The following MUSK variants were observed in gnomAD, a reference collection of about 807,000 sequenced individuals.
The protein encoded by MUSK is muscle, skeletal receptor tyrosine-protein kinase.
In MUSK, 55 loss-of-function variants were observed where a neutral mutation model predicts 88.7. The observed-to-expected ratio is 0.62, with a 90% CI of 0.50 to 0.78. The LOEUF is 0.78. Among genes scored for constraint, MUSK ranks in the 30% least tolerant of loss-of-function variants. MUSK has a pLI of 0.00. For missense variants in MUSK, 1,015 were observed against 1,074.3 expected (o/e 0.94, Z 0.77); for synonymous variants, 387 against 391.9 (o/e 0.99, Z 0.15).
chr9:110,782,945 G>A (rs1054758049), intron 11 of MUSK, among the ~76,000 whole-genome samples: 8 of 152,128 alleles, frequency 5.3e-5, no homozygotes, highest in Non-Finnish European at 8.8e-5. Flanking sequence ...CCTGGCATCC[G>A]CAGGCTTCAG....
At chr9:110,718,515 A>C (rs2076772823) in intron 5 of MUSK, among the ~76,000 whole-genome samples, 1 of 152,076 alleles carries the variant, frequency 6.6e-6, no homozygotes, top group South Asian at 2.1e-4. Context: ...TGAACTAACC[A>C]AATCCATCAA....
At chr9:110,721,357 A>G (rs2076809282) in intron 5 of MUSK, among the ~76,000 whole-genome samples, 1 of 152,146 alleles carries the variant, frequency 6.6e-6, no homozygotes, top group African/African-American at 2.4e-5. Flanking sequence ...ACTCATCCAA[A>G]AAACTCTTAG....
chr9:110,732,196 G>A (rs528154183), intron 5 of MUSK, among the ~76,000 whole-genome samples: 3 of 152,098 alleles, frequency 2.0e-5, no homozygotes, highest in Admixed American at 1.3e-4. Flanking sequence ...GATCCTGCTT[G>A]TTTCAGATTC....
chr9:110,775,747 G>A (rs1214686953), intron 9 of MUSK, 41 bp from the exon 10 acceptor site: 1 of 1,586,050 alleles, frequency 6.3e-7, no homozygotes, highest in Admixed American at 1.7e-5. Flanking sequence ...GCTTTAACAT[G>A]TAATGATTCA....
chr9:110,731,947 C>CTTTCTGATTACTATA (rs1554745969), intron 5 of MUSK, among the ~76,000 whole-genome samples: 2 of 151,336 alleles, frequency 1.3e-5, no homozygotes, highest in African/African-American at 2.4e-5. Context: ...AAAATAAAAC[C>CTTTCTGATTACTATA]TTTCCAAGAA....
rs187347916 is a variant in MUSK at position 110,695,512 on chromosome 9, G to A, written c.468G>A (p.Lys156=). The part of the protein sequence containing the change: ...GNPKPSVSWI[K]GDSPLRENSR... ...CCAAACCATCAGTGTCTTGGATAAAGGGAGACAGCCCTCTCAGGGTAAGTG... is the reference window on the plus strand; with the variant it reads ...CCAAACCATCAGTGTCTTGGATAAAAGGAGACAGCCCTCTCAGGGTAAGTG... The change falls in exon 4 of 15, where the codon AAG becomes AAA. Residue 156 remains lysine (K), a synonymous_variant. Coordinates refer to ENST00000374448, the MANE Select transcript of MUSK (RefSeq NM_005592.4). 6.4e-7 allele frequency: 1 copy of A among 1,564,912 alleles called. No individual in the cohort carries two copies. Among genetic ancestry groups the A allele is most frequent in the Non-Finnish European group, 8.7e-7 (1 of 1,152,608 alleles).
intron 7 of MUSK, 100 bp downstream of exon 7, chr9:110,747,900 T>A: frequency 6.9e-7 from 1 of 1,449,064 alleles, no homozygotes; most frequent in East Asian, 2.3e-5. Context: ...TTCTTTTATC[T>A]CTTATTTCAG....
At chr9:110,683,886 T>C (rs866518342) in intron 2 of MUSK, among the ~76,000 whole-genome samples, 3 of 152,164 alleles carry the variant, frequency 2.0e-5, no homozygotes, top group Non-Finnish European at 4.4e-5. Context: ...ATTAATCCTT[T>C]GTCAGATGGG....
chr9:110,719,460 A>G (rs1199963378), intron 5 of MUSK, among the ~76,000 whole-genome samples: 1 of 152,134 alleles, frequency 6.6e-6, no homozygotes, highest in Non-Finnish European at 1.5e-5. Flanking sequence ...GACAAAACAA[A>G]CTATAGAGCA....
Position 110,687,106 on chromosome 9 carries a change from G to A in MUSK, c.207-11G>A, listed in dbSNP as rs754254692. On this transcript the variant is annotated splice_polypyrimidine_tract_variant and intron_variant, in intron 2 of 14. Coordinates refer to ENST00000374448, the MANE Select transcript of MUSK (RefSeq NM_005592.4). The stretch of plus-strand genomic sequence containing the variant: ...AAGCACTAATCTGTCATTTTTTTCT[G>A]TGACCTGCAGACTCTTTGACACCCG... 16 of 1,599,070 alleles carry A rather than the reference G, an allele frequency of 1.0e-5. No homozygotes were observed. Among genetic ancestry groups the A allele is most frequent in the South Asian group, 9.0e-5 (8 of 88,756 alleles).
intron 8 of MUSK, among the ~76,000 whole-genome samples, chr9:110,767,559 A>G (rs925889586): frequency 1.3e-5 from 2 of 152,214 alleles, no homozygotes; most frequent in Non-Finnish European, 2.9e-5. Flanking sequence ...ACCCAAATCT[A>G]TTCAGTCCTT....
rs34924295 is a variant in MUSK at position 110,797,162 on chromosome 9, CAAAAAA to C, written c.1928-3123_1928-3118del. ...AATAAAAAATAAATGCATGAATACC[CAAAAAA>C]AAAAAAAAAAAAAAAAAAAAGAAGG... is the stretch of plus-strand genomic sequence containing the variant. On this transcript the variant is annotated intron_variant, in intron 14 of 14. Coordinates refer to ENST00000374448, the MANE Select transcript of MUSK (RefSeq NM_005592.4). Among the ~76,000 whole-genome samples the C allele has an allele frequency of 1.4e-3, 24 of 16,816 alleles. 1 individual carries two copies. The highest frequency in any genetic ancestry group is 4.5e-3 in the African/African-American group (21 of 4,630). 11.0% of individuals were successfully genotyped at this position (16,816 alleles called of 152,430 possible).
intron 11 of MUSK, among the ~76,000 whole-genome samples, 183 bp from the exon 12 acceptor site, chr9:110,784,632 A>G (rs1464767921): frequency 6.6e-6 from 1 of 152,154 alleles, no homozygotes; most frequent in Non-Finnish European, 1.5e-5. Flanking sequence ...TTAAAATTCT[A>G]TTATTCTATA....
intron 9 of MUSK, among the ~76,000 whole-genome samples, chr9:110,769,350 A>G (rs191980343): frequency 1.3e-3 from 200 of 152,336 alleles, no homozygotes; most frequent in African/African-American, 4.6e-3. Context: ...TGGAGACACT[A>G]TAAGAGTAAT....
rs368896303 is a variant in MUSK at position 110,774,866 on chromosome 9, T to TACACACAC, written c.1185-903_1185-896dup. Among the ~76,000 whole-genome samples, 959 of 139,030 alleles carry TACACACAC rather than the reference T, an allele frequency of 6.9e-3. 9 individuals are homozygous for TACACACAC. Among genetic ancestry groups the TACACACAC allele is most frequent in the African/African-American group, 0.027 (925 of 34,470 alleles). The allele number at this position is 139,030 out of a possible 152,430, so 91.2% of individuals were successfully genotyped here. On this transcript the variant is annotated intron_variant, in intron 9 of 14. Transcript: ENST00000374448. ...AAAAGACACCATTGTGGCATATATATACACACACACACACACACACACACA... is the reference window on the plus strand; with the variant it reads ...AAAAGACACCATTGTGGCATATATATACACACACACACACACACACACACACACACACA...
chr9:110,763,256 T>C (rs754513014), intron 8 of MUSK, among the ~76,000 whole-genome samples: 2 of 148,966 alleles, frequency 1.3e-5, no homozygotes, highest in Non-Finnish European at 2.9e-5. Context: ...TTGTCATAAT[T>C]GACTGCATTC....
intron 2 of MUSK, among the ~76,000 whole-genome samples, chr9:110,686,250 C>T (rs1374753243): frequency 1.3e-5 from 2 of 152,064 alleles, no homozygotes; most frequent in Non-Finnish European, 2.9e-5. Flanking sequence ...TCATACCTCC[C>T]TTTATCAATC....
chr9:110,675,929 C>T (rs1319790541), intron 1 of MUSK, among the ~76,000 whole-genome samples: 1 of 152,058 alleles, frequency 6.6e-6, no homozygotes, highest in African/African-American at 2.4e-5. Flanking sequence ...TTGTTAACCA[C>T]ACTCCACAAG....
intron 5 of MUSK, among the ~76,000 whole-genome samples, chr9:110,718,394 T>A (rs772616227): frequency 6.6e-6 from 1 of 151,942 alleles, no homozygotes; most frequent in Non-Finnish European, 1.5e-5. Flanking sequence ...AAGGGAGAAT[T>A]TGTGGACAGG....
Sources: gnomAD v4.1 joint callset for allele counts (sites outside exome capture counted in the v4.1 genomes callset) on GRCh38, gnomAD v4.1.1 for gene constraint, MANE v1.5 for transcripts, NCBI Gene and HGNC (gene_info 2026-07-23, HGNC 2026-07-21) for gene names.